The following RARS2 variants were observed in gnomAD, a reference collection of about 807,000 sequenced individuals.
The protein encoded by RARS2 is arginyl-tRNA synthetase 2, mitochondrial.
RARS2 carries 67 observed loss-of-function variants against 88.5 expected under a neutral mutation model. That is an observed-to-expected ratio of 0.76 (90% CI 0.62 to 0.93). RARS2 has a LOEUF of 0.93. Among genes scored for constraint, RARS2 ranks in the 40% least tolerant of loss-of-function variants. The probability of loss-of-function intolerance (pLI) is 0.00; values close to 1 mark genes in which losing one functional copy is unlikely to be tolerated. For synonymous variants in RARS2, 239 were observed against 230.3 expected, an observed-to-expected ratio of 1.04 and a Z score of -0.34; for missense variants, 664 against 684.2, an observed-to-expected ratio of 0.97 and a Z score of 0.33.
At chr6:87,567,518 C>G in intron 2 of RARS2, among the ~76,000 whole-genome samples, 1 of 152,252 alleles carries the variant, frequency 6.6e-6, no homozygotes, top group South Asian at 2.1e-4. Context: ...AGAATTAGAT[C>G]AGAGTAAATT....
intron 1 of RARS2, among the ~76,000 whole-genome samples, chr6:87,580,591 CAA>C (rs71018102): frequency 9.5e-5 from 13 of 136,596 alleles, no homozygotes; most frequent in Non-Finnish European, 1.1e-4. Context: ...AACCCTGTCT[CAA>C]AAAAAAAAAA....
At chr6:87,515,332 T>C (rs1240402868) in intron 18 of RARS2, among the ~76,000 whole-genome samples, 1 of 151,914 alleles carries the variant, frequency 6.6e-6, no homozygotes, top group East Asian at 1.9e-4. Flanking sequence ...CCATCCTGGC[T>C]AACATGGTGA....
Position 87,516,830 on chromosome 6 carries a change from A to ATATGCCTGGG in RARS2, c.1552_1561dup (p.Ile521ThrfsTer27). ...CCTTAAAGTTAGAAGGTAACTGACG[A>ATATGCCTGGG]TATGCCTGGGTTGAAAGTCCTGAGA... On this transcript the variant is annotated frameshift_variant, in exon 18 of 20. Transcript: ENST00000369536. LOFTEE classifies it high-confidence loss of function. The ATATGCCTGGG allele has an allele frequency of 6.2e-7, 1 of 1,613,932 alleles. No homozygotes were observed. Among genetic ancestry groups the ATATGCCTGGG allele is most frequent in the South Asian group, 1.1e-5 (1 of 91,088 alleles).
In RARS2 at chr6:87,519,051, G is replaced by A; in HGVS notation, c.1238-160C>T. 5 of 720,302 alleles carry A rather than the reference G, an allele frequency of 6.9e-6. No homozygotes were observed. In the South Asian group the frequency reaches 7.6e-5, roughly 11 times the overall value. 44.6% of individuals were successfully genotyped at this position (720,302 alleles called of 1,614,324 possible). ...TTTAGGCTATTTTACCTTTGATAAT[G>A]ACATTTCCCCTGCCTACATTAAAGG... On this transcript the variant is annotated intron_variant, in intron 14 of 19. Coordinates refer to ENST00000369536, the MANE Select transcript of RARS2 (RefSeq NM_020320.5).
intron 7 of RARS2, among the ~76,000 whole-genome samples, chr6:87,543,776 T>C (rs1168888211): frequency 6.6e-6 from 1 of 152,148 alleles, no homozygotes; most frequent in South Asian, 2.1e-4. Context: ...CACAGGAATA[T>C]ACAATACTTT....
chr6:87,524,493 A>G lies in RARS2; in HGVS notation c.974+64T>C, dbSNP rs1049673808. The stretch of plus-strand genomic sequence containing the variant: ...TCCGATAATGCATAATTAATTGTAC[A>G]TAGTGTTTCATCTGAAAGCAACAGA... On this transcript the variant is annotated intron_variant, in intron 11 of 19. Coordinates refer to ENST00000369536, the MANE Select transcript of RARS2 (RefSeq NM_020320.5). 16 of 1,220,198 alleles carry G rather than the reference A, an allele frequency of 1.3e-5. No homozygotes were observed. The Admixed American group carries it at 1.3e-4, about 10-fold the overall frequency. 75.6% of individuals were successfully genotyped at this position (1,220,198 alleles called of 1,614,324 possible). A position where few individuals can be genotyped will look rare whatever the true frequency, so the allele number is the denominator to read the frequency against.
At chr6:87,586,655 T>C (rs1442450804) in intron 1 of RARS2, among the ~76,000 whole-genome samples, 1 of 152,238 alleles carries the variant, frequency 6.6e-6, no homozygotes, top group Non-Finnish European at 1.5e-5. Flanking sequence ...TAGAAAACTG[T>C]CGACTAATTA....
At chr6:87,543,517 T>A (rs1029381005) in intron 7 of RARS2, among the ~76,000 whole-genome samples, 7 of 151,350 alleles carry the variant, frequency 4.6e-5, no homozygotes, top group Admixed American at 1.3e-4. Flanking sequence ...GGTGCATGCC[T>A]ATGATCCCAG....
intron 1 of RARS2, among the ~76,000 whole-genome samples, chr6:87,570,915 A>G (rs1763605792): frequency 6.6e-6 from 1 of 152,154 alleles, no homozygotes; most frequent in Non-Finnish European, 1.5e-5. Flanking sequence ...ACAATCCCAG[A>G]CTTTCCTACT....
At chr6:87,541,858 C>T in intron 8 of RARS2, 60 bp downstream of exon 8, 1 of 1,276,358 alleles carries the variant, frequency 7.8e-7, no homozygotes. Flanking sequence ...GGATTAAAAA[C>T]ATGTTACTAA....
rs72312471 is a variant in RARS2, at chr6:87,549,378, AAAATAAAT to A, written c.396-740_396-733del. ...TCTCAAAAAAATAAAAATAAAAAATAAAATAAATAAATAAATAAATAAATTAGTCAGGT... is the reference window on the plus strand; with the variant it reads ...TCTCAAAAAAATAAAAATAAAAAATAAAATAAATAAATAAATTAGTCAGGT... On this transcript the variant is annotated intron_variant, in intron 5 of 19. Coordinates refer to ENST00000369536, the MANE Select transcript of RARS2 (RefSeq NM_020320.5). Among the ~76,000 whole-genome samples, 3 of 151,058 alleles carry A rather than the reference AAAATAAAT, an allele frequency of 2.0e-5. No homozygotes were observed. In the East Asian group the frequency reaches 5.8e-4, roughly 29 times the overall value.
chr6:87,541,549 C>A (rs182795540), intron 8 of RARS2, among the ~76,000 whole-genome samples: 1 of 151,290 alleles, frequency 6.6e-6, no homozygotes, highest in African/African-American at 2.4e-5. Context: ...GGAGGCTGGG[C>A]GTGGTGACTC....
At chr6:87,553,266 A>T (rs1784883216) in intron 5 of RARS2, among the ~76,000 whole-genome samples, 1 of 152,108 alleles carries the variant, frequency 6.6e-6, no homozygotes, top group East Asian at 1.9e-4. Flanking sequence ...TTTGATTTGT[A>T]GCCCCACTAG....
At chr6:87,573,399 G>A (rs1433836729) in intron 1 of RARS2, among the ~76,000 whole-genome samples, 2 of 151,964 alleles carry the variant, frequency 1.3e-5, no homozygotes, top group Non-Finnish European at 2.9e-5. Context: ...CCAACACTGG[G>A]GATTACAATT....
At position 87,573,664 on chromosome 6, in the gene RARS2, C is replaced by T. The variant is rs145872804; in HGVS notation, c.37-4074G>A. Among the ~76,000 whole-genome samples the T allele has an allele frequency of 2.6e-4, 39 of 151,840 alleles. No individual in the cohort carries two copies. The East Asian group carries it at 7.1e-3, about 28-fold the overall frequency. ...AAAATGGCTAAGATGGTAAATTTTA[C>T]GTTATGTGTATTTTTTCACAATTTA... On this transcript the variant is annotated intron_variant, in intron 1 of 19. Transcript: ENST00000369536.
intron 18 of RARS2, among the ~76,000 whole-genome samples, 176 bp from the exon 19 acceptor site, chr6:87,515,196 C>G (rs1158786471): frequency 6.6e-6 from 1 of 152,170 alleles, no homozygotes; most frequent in Non-Finnish European, 1.5e-5. Context: ...GATCTTGGCC[C>G]TATTCTACTA....
chr6:87,547,735 G>A (rs1195588284), intron 6 of RARS2, among the ~76,000 whole-genome samples: 1 of 151,848 alleles, frequency 6.6e-6, no homozygotes, highest in African/African-American at 2.4e-5. Context: ...TGCCTCCCGG[G>A]TTCAAGCGAT....
At chr6:87,550,176 A>C (rs866452612) in intron 5 of RARS2, among the ~76,000 whole-genome samples, 14 of 152,170 alleles carry the variant, frequency 9.2e-5, no homozygotes, top group Non-Finnish European at 1.3e-4. Flanking sequence ...TTAAAAAAAA[A>C]CCTTCCATTT....
rs9450734 is a variant in RARS2 at position 87,541,719 on chromosome 6, G to A, written c.612+199C>T. On this transcript the variant is annotated intron_variant, in intron 8 of 19. Transcript: ENST00000369536. ...TACGCCTGTAGTCCCAGCTACTTGG[G>A]AGGCTGAGGCATGAGAATTGCTTGA... Among the ~76,000 whole-genome samples, 48,979 of 151,902 alleles carry A rather than the reference G, an allele frequency of 0.32. 7,968 individuals are homozygous for A. The highest frequency in any genetic ancestry group is 0.41 in the Admixed American group (6,288 of 15,282).
Sources: allele counts gnomAD v4.1 joint callset (sites outside exome capture counted in the v4.1 genomes callset), GRCh38; gene constraint gnomAD v4.1.1; transcripts MANE v1.5; gene names NCBI Gene and HGNC (gene_info 2026-07-23, HGNC 2026-07-21).